Variants in ASXL1 observed in about 807,000 individuals in gnomAD.
ASXL1 encodes the protein ASXL transcriptional regulator 1.
ASXL1 carries 65 observed loss-of-function variants against 89.1 expected under a neutral mutation model. That is an observed-to-expected ratio of 0.73 (90% CI 0.60 to 0.90). The LOEUF is 0.90. ASXL1 is among the 40% of genes least tolerant of loss of function. The pLI is 0.00. For synonymous variants in ASXL1, 739 were observed against 746.9 expected (o/e 0.99, Z 0.17); for missense variants, 1,786 against 1,942.9 (o/e 0.92, Z 1.52).
At chr20:32,373,712 C>G (rs1007378177) in intron 4 of ASXL1, among the ~76,000 whole-genome samples, 4 of 151,786 alleles carry the variant, frequency 2.6e-5, no homozygotes, top group Non-Finnish European at 5.9e-5. Context: ...ACTGAAAATG[C>G]GAAAATTAGC....
rs55686374 is a variant in ASXL1 at position 32,401,552 on chromosome 20, C to T, written c.253-26576C>T. 1.9e-3 allele frequency among the ~76,000 whole-genome samples: 230 copies of T among 120,124 alleles called. 2 individuals are homozygous for T. The highest frequency in any genetic ancestry group is 2.6e-3 in the Non-Finnish European group (167 of 64,648). The allele number at this position is 120,124 out of a possible 152,430, so 78.8% of individuals were successfully genotyped here. A position where few individuals can be genotyped will look rare whatever the true frequency, so the allele number is the denominator to read the frequency against. ...TGTGTGTGTGTGTGTGTGTTTTTTC[C>T]CCCCCCCCCTTTTTTTTTTTGAGAC... is the stretch of plus-strand genomic sequence containing the variant. On this transcript the variant is annotated intron_variant, in intron 4 of 12. Coordinates refer to ENST00000375687, the MANE Select transcript of ASXL1 (RefSeq NM_015338.6).
intron 4 of ASXL1, among the ~76,000 whole-genome samples, chr20:32,386,634 T>G (rs1056865905): frequency 6.6e-6 from 1 of 152,062 alleles, no homozygotes; most frequent in Non-Finnish European, 1.5e-5. Flanking sequence ...ACCAGGCTGG[T>G]CTCAAGCTCC....
At chr20:32,419,276 C>T (rs891600708) in intron 4 of ASXL1, among the ~76,000 whole-genome samples, 1 of 152,060 alleles carries the variant, frequency 6.6e-6, no homozygotes, top group Non-Finnish European at 1.5e-5. Context: ...GATCATAGCT[C>T]GCTGCAACCT....
chr20:32,421,970 G>T (rs2049262485), intron 4 of ASXL1, among the ~76,000 whole-genome samples: 1 of 147,116 alleles, frequency 6.8e-6, no homozygotes, highest in Admixed American at 7.0e-5. Flanking sequence ...CCGGGTTCAT[G>T]CCATTCTCCT....
In ASXL1 at chr20:32,383,905, C is replaced by T. The variant is rs573067784; in HGVS notation, c.252+14782C>T. On this transcript the variant is annotated intron_variant, in intron 4 of 12. Coordinates refer to ENST00000375687, the MANE Select transcript of ASXL1 (RefSeq NM_015338.6). ...GGGCTCCACCATCACTGTCTGACAT[C>T]CTGATCTCCTAAGGCATCTTTCCTC... 5.9e-5 allele frequency among the ~76,000 whole-genome samples: 9 copies of T among 152,288 alleles called. No homozygotes were observed. In the South Asian group the frequency reaches 1.9e-3, roughly 32 times the overall value.
chr20:32,376,201 A>G (rs891358362), intron 4 of ASXL1, among the ~76,000 whole-genome samples: 4 of 152,084 alleles, frequency 2.6e-5, no homozygotes, highest in African/African-American at 9.7e-5. Context: ...CTTGCCTATG[A>G]TAATGGACAG....
intron 4 of ASXL1, among the ~76,000 whole-genome samples, chr20:32,412,748 G>C (rs1268092323): frequency 6.6e-6 from 1 of 150,758 alleles, no homozygotes; most frequent in Non-Finnish European, 1.5e-5. Flanking sequence ...TGCAGACATG[G>C]GGGTCTCACT....
rs1009226242 is a variant in ASXL1 at position 32,429,253 on chromosome 20, C to G, written c.472-85C>G. 6 of 1,307,778 alleles carry G rather than the reference C, an allele frequency of 4.6e-6. No homozygotes were observed. The highest frequency in any genetic ancestry group is 6.5e-6 in the Non-Finnish European group (6 of 920,026). 81.0% of individuals were successfully genotyped at this position (1,307,778 alleles called of 1,614,324 possible). A position where few individuals can be genotyped will look rare whatever the true frequency, so the allele number is the denominator to read the frequency against. ...GAAGACGAACTTCATTTTACAAGAGCGTGAGTAGAGATAGTGTCGCCAGGG... is the reference window on the plus strand; with the variant it reads ...GAAGACGAACTTCATTTTACAAGAGGGTGAGTAGAGATAGTGTCGCCAGGG... On this transcript the variant is annotated intron_variant, in intron 6 of 12. Coordinates refer to ENST00000375687, the MANE Select transcript of ASXL1 (RefSeq NM_015338.6). This position sits in a 1 kb window ranked among gnomAD's most constrained non-coding sequence, Gnocchi z 4.9.
rs376599709 is a variant in ASXL1, at chr20:32,358,903, G to C, written c.57+71G>C. On this transcript the variant is annotated intron_variant, in intron 1 of 12. Coordinates refer to ENST00000375687, the MANE Select transcript of ASXL1 (RefSeq NM_015338.6). ...GGGGCTCGCCGCGCACCCCCCCACT[G>C]GGGGGGGAGGGGCAAGGCCCTGCCC... The C allele has an allele frequency of 8.6e-3, 11,441 of 1,327,392 alleles. 322 individuals carry two copies. In the Admixed American group the frequency reaches 0.099, roughly 11 times the overall value. 82.2% of individuals were successfully genotyped at this position (1,327,392 alleles called of 1,614,324 possible). A position where few individuals can be genotyped will look rare whatever the true frequency, so the allele number is the denominator to read the frequency against.
chr20:32,367,077 T>TAAAAAAA (rs11478048), intron 2 of ASXL1, among the ~76,000 whole-genome samples: 1 of 134,888 alleles, frequency 7.4e-6, no homozygotes, highest in Non-Finnish European at 1.6e-5. Flanking sequence ...ACTTCAAACT[T>TAAAAAAA]AAAAAAAAAA....
chr20:32,364,580 A>C (rs891857253), intron 1 of ASXL1, among the ~76,000 whole-genome samples: 34 of 152,330 alleles, frequency 2.2e-4, no homozygotes, highest in African/African-American at 8.2e-4. Flanking sequence ...GCTGGAGTGC[A>C]GTGGCTATAC....
At chr20:32,383,852 A>G (rs1163089394) in intron 4 of ASXL1, among the ~76,000 whole-genome samples, 2 of 152,252 alleles carry the variant, frequency 1.3e-5, no homozygotes, top group African/African-American at 4.8e-5. Flanking sequence ...TGAAACAAGC[A>G]TGAGGGCTCA....
intron 4 of ASXL1, among the ~76,000 whole-genome samples, chr20:32,401,463 G>A (rs987589713): frequency 2.6e-5 from 4 of 151,520 alleles, no homozygotes; most frequent in African/African-American, 9.7e-5. Context: ...GTTATCTGTG[G>A]TGATATGTTC....
chr20:32,396,696 G>A (rs1237563007), intron 4 of ASXL1, among the ~76,000 whole-genome samples: 1 of 152,076 alleles, frequency 6.6e-6, no homozygotes, highest in East Asian at 1.9e-4. Context: ...TATTGTCACT[G>A]TATTGCTTTT....
At chr20:32,401,449 C>T (rs1312000139) in intron 4 of ASXL1, among the ~76,000 whole-genome samples, 1 of 152,060 alleles carries the variant, frequency 6.6e-6, no homozygotes, top group Non-Finnish European at 1.5e-5. Context: ...ATACAGTAGT[C>T]CCCGTTATCT....
chr20:32,366,749 A>G (rs1237499329), intron 2 of ASXL1, among the ~76,000 whole-genome samples: 1 of 151,878 alleles, frequency 6.6e-6, no homozygotes, highest in African/African-American at 2.4e-5. Flanking sequence ...GTCAGGGCAC[A>G]TTTTCTCTTG....
At chr20:32,386,781 C>CTG (rs1436578310) in intron 4 of ASXL1, among the ~76,000 whole-genome samples, 1 of 61,636 alleles carries the variant, frequency 1.6e-5, no homozygotes, top group Non-Finnish European at 3.8e-5. Flanking sequence ...TGTATGACCT[C>CTG]TCTCTCTCTT....
Position 32,436,375 on chromosome 20 carries a change from A to G in ASXL1, c.3663A>G (p.Thr1221=). The change falls in exon 13 of 13, where the codon ACA becomes ACG. Residue 1221 remains threonine (T), a synonymous_variant. Transcript: ENST00000375687. The stretch of plus-strand genomic sequence containing the variant: ...TCCATCCAGTGACAAATCCCATTAC[A>G]TCCTCTAGGAAACTGGAAGAAATGG... ...DSLHPVTNPI[T]SSRKLEEMDS... The G allele has an allele frequency of 6.2e-7, 1 of 1,613,708 alleles. No homozygotes were observed. The highest frequency in any genetic ancestry group is 8.5e-7 in the Non-Finnish European group (1 of 1,180,026).
intron 4 of ASXL1, among the ~76,000 whole-genome samples, chr20:32,424,141 A>C (rs764976484): frequency 1.7e-4 from 26 of 152,100 alleles, no homozygotes; most frequent in Non-Finnish European, 3.2e-4. Flanking sequence ...TTAACACCTA[A>C]TTTTTCTTTT....
Sources: allele counts gnomAD v4.1 joint callset (sites outside exome capture counted in the v4.1 genomes callset), GRCh38; gene constraint gnomAD v4.1.1; non-coding constraint Gnocchi (gnomAD v3.1); transcripts MANE v1.5; gene names NCBI Gene and HGNC (gene_info 2026-07-23, HGNC 2026-07-21).